The following CNDP2 variants were observed in gnomAD, a reference collection of about 807,000 sequenced individuals.
CNDP2 encodes the protein carnosine dipeptidase 2.
In CNDP2, 38 loss-of-function variants were observed where a neutral mutation model predicts 55.0. The ratio of observed to expected loss-of-function variants is 0.69; its 90% confidence interval spans 0.53 to 0.90. The LOEUF is 0.90. Ranked by LOEUF, CNDP2 falls within the 40% of genes least tolerant of loss-of-function variation. The pLI, the probability that CNDP2 is intolerant of heterozygous loss-of-function variation, is 0.00. For synonymous variants in CNDP2, 241 were observed against 260.2 expected (o/e 0.93, Z 0.71); for missense variants, 607 against 621.7 (o/e 0.98, Z 0.25).
chr18:74,518,737 G>A (rs890337), intron 10 of CNDP2, 97 bp downstream of exon 10: 1,475,107 of 1,528,196 alleles, frequency 0.97, 714,188 homozygotes, highest in Non-Finnish European at 0.98. Context: ...TGTCGGGGGC[G>A]CTGCTGTATC....
At chr18:74,504,230 A>C (rs1485391881) in intron 3 of CNDP2, among the ~76,000 whole-genome samples, 2 of 150,534 alleles carry the variant, frequency 1.3e-5, no homozygotes, top group Non-Finnish European at 3.0e-5. Flanking sequence ...CACACGCCAC[A>C]CACGCAGCCA....
chr18:74,504,651 TTG>T (rs1978909885), intron 3 of CNDP2: 1 of 152,312 alleles, frequency 6.6e-6, no homozygotes, highest in Non-Finnish European at 1.5e-5. Flanking sequence ...AGTTTTTGCG[TTG>T]TGTCTGTTAA....
At chr18:74,514,830 C>G (rs1483798048) in intron 8 of CNDP2, among the ~76,000 whole-genome samples, 4 of 152,216 alleles carry the variant, frequency 2.6e-5, no homozygotes, top group African/African-American at 9.7e-5. Flanking sequence ...TTAAGCAACT[C>G]AGCCCCTGGG....
chr18:74,511,072 C>A, intron 6 of CNDP2, 59 bp downstream of exon 6: 1 of 1,450,510 alleles, frequency 6.9e-7, no homozygotes, highest in Non-Finnish European at 9.5e-7. Flanking sequence ...CCGGTTCTCC[C>A]AAACGCAAAG....
intron 4 of CNDP2, 90 bp downstream of exon 4, chr18:74,506,101 CTG>C (rs1202674547): frequency 1.7e-6 from 2 of 1,149,146 alleles, no homozygotes; most frequent in Admixed American, 3.3e-5. Context: ...CCAGTACAGA[CTG>C]TTTTTATTTT....
intron 2 of CNDP2, 166 bp from the exon 3 acceptor site, chr18:74,501,163 A>G: frequency 7.4e-7 from 1 of 1,353,878 alleles, no homozygotes; most frequent in Middle Eastern, 2.8e-4. Flanking sequence ...CAGTTTTTAA[A>G]ATCTTTAACC....
intron 5 of CNDP2, chr18:74,509,138 G>C (rs73476733): frequency 1.1e-5 from 6 of 543,182 alleles, no homozygotes; most frequent in Non-Finnish European, 2.0e-5. Context: ...TTGTTTTACA[G>C]CTGCTTAAAG....
intron 10 of CNDP2, 125 bp from the exon 11 acceptor site, chr18:74,518,824 G>A (rs733062): frequency 0.99 from 1,460,630 of 1,468,044 alleles, 726,934 homozygotes; most frequent in East Asian, 1. Context: ...GACCTTGAAC[G>A]CGGGCTTGCT....
chr18:74,506,987 CTG>C (rs1221584455), intron 4 of CNDP2: 1 of 152,296 alleles, frequency 6.6e-6, no homozygotes, highest in Non-Finnish European at 1.5e-5. Context: ...ATCATTGCAT[CTG>C]TGTTCAAACC....
intron 6 of CNDP2, 81 bp downstream of exon 6, chr18:74,511,094 C>T (rs1979329813): frequency 3.2e-6 from 4 of 1,236,858 alleles, no homozygotes; most frequent in Admixed American, 2.3e-5. Context: ...AGACAAGGAC[C>T]CAGAAGTCAG....
chr18:74,512,794 C>A (rs1979428093), intron 7 of CNDP2, among the ~76,000 whole-genome samples: 1 of 152,182 alleles, frequency 6.6e-6, no homozygotes, highest in African/African-American at 2.4e-5. Flanking sequence ...ACTCAGTCAC[C>A]CCCAGGTCCT....
At chr18:74,512,175 G>A in intron 6 of CNDP2, 4 of 392,510 alleles carry the variant, frequency 1.0e-5, no homozygotes, top group Non-Finnish European at 1.4e-5. Flanking sequence ...CAAAGGCTTT[G>A]AGTGGTAGGC....
At chr18:74,503,910 G>A (rs1392871530) in intron 3 of CNDP2, among the ~76,000 whole-genome samples, 2 of 141,576 alleles carry the variant, frequency 1.4e-5, no homozygotes, top group African/African-American at 5.3e-5. Context: ...CGCCACACAC[G>A]CAGCCACACT....
chr18:74,516,433 T>C (rs1184746316), intron 9 of CNDP2, 41 bp downstream of exon 9: 2 of 1,562,188 alleles, frequency 1.3e-6, no homozygotes, highest in Non-Finnish European at 1.7e-6. Flanking sequence ...CAAGAGCTAC[T>C]GTGTCCGGGC....
intron 3 of CNDP2, among the ~76,000 whole-genome samples, chr18:74,501,849 G>A (rs1978720570): frequency 1.3e-5 from 2 of 151,870 alleles, no homozygotes; most frequent in Admixed American, 6.6e-5. Flanking sequence ...CCCAACCCCC[G>A]GCTCCCCCTC....
In CNDP2 at chr18:74,499,963, C is replaced by G. The variant is rs200224202; in HGVS notation, c.-11C>G. On this transcript the variant is annotated 5_prime_UTR_variant, in exon 2 of 12. Transcript: ENST00000324262. ...ACCTTCGAGATCTGCGGTCTGGGGT[C>G]TGGTTGAAAGATGGCGGCCCTCACT... 6.2e-7 allele frequency: 1 copy of G among 1,613,816 alleles called. No individual in the cohort carries two copies. Among genetic ancestry groups the G allele is most frequent in the Non-Finnish European group, 8.5e-7 (1 of 1,179,770 alleles).
At chr18:74,501,782 T>C (rs1473081622) in intron 3 of CNDP2, among the ~76,000 whole-genome samples, 1 of 152,096 alleles carries the variant, frequency 6.6e-6, no homozygotes, top group Admixed American at 6.6e-5. Context: ...ATCCATAAGC[T>C]TTCAAACTAG....
At chr18:74,501,195 G>C in intron 2 of CNDP2, 134 bp from the exon 3 acceptor site, 1 of 1,452,486 alleles carries the variant, frequency 6.9e-7, no homozygotes, top group Non-Finnish European at 9.1e-7. Context: ...TGATGGGTCT[G>C]TCCTATTTCC....
chr18:74,497,903 G>C (rs1007130874), intron 1 of CNDP2: 5 of 151,662 alleles, frequency 3.3e-5, no homozygotes, highest in Non-Finnish European at 7.4e-5. Context: ...TTAATTAGTG[G>C]TGTTCTCCAG....
Sources: gnomAD v4.1 joint callset for allele counts (sites outside exome capture counted in the v4.1 genomes callset) on GRCh38, gnomAD v4.1.1 for gene constraint, MANE v1.5 for transcripts, NCBI Gene and HGNC (gene_info 2026-07-23, HGNC 2026-07-21) for gene names.